SLC1A6: variants seen among roughly 807,000 people sequenced by gnomAD.
SLC1A6 encodes excitatory amino acid transporter 4.
SLC1A6 carries 15 observed loss-of-function variants against 42.1 expected under a neutral mutation model. The observed-to-expected ratio is 0.36, with a 90% CI of 0.24 to 0.55. SLC1A6 has a LOEUF of 0.55. Ranked by LOEUF, SLC1A6 falls within the 20% of genes least tolerant of loss-of-function variation. The probability of loss-of-function intolerance (pLI) is 0.88; values close to 1 mark genes in which losing one functional copy is unlikely to be tolerated. For missense variants in SLC1A6, 542 were observed against 772.5 expected (o/e 0.70, Z 3.54); for synonymous variants, 317 against 319.7 (o/e 0.99, Z 0.09).
intron 1 of SLC1A6, among the ~76,000 whole-genome samples, chr19:14,990,568 G>A (rs977743488): frequency 2.6e-5 from 4 of 152,056 alleles, no homozygotes; most frequent in African/African-American, 7.2e-5. Flanking sequence ...TCAGGAGTTC[G>A]AGACCAGCCT....
At chr19:14,967,304 T>C (rs1056927819) in intron 4 of SLC1A6, among the ~76,000 whole-genome samples, 2 of 152,166 alleles carry the variant, frequency 1.3e-5, no homozygotes, top group Admixed American at 6.5e-5. Context: ...TATGAGTTGT[T>C]GCAAGTAGAG....
intron 1 of SLC1A6, among the ~76,000 whole-genome samples, chr19:15,007,851 C>A (rs1451888550): frequency 6.6e-6 from 1 of 152,038 alleles, no homozygotes; most frequent in Non-Finnish European, 1.5e-5. Context: ...ATGGTGAAAC[C>A]CCATTTCTAC....
chr19:14,977,037 GAAAAAAAA>G, intron 1 of SLC1A6: 1 of 138,010 alleles, frequency 7.2e-6, no homozygotes, highest in Non-Finnish European at 1.5e-5. Context: ...TCCTTGCTGT[GAAAAAAAA>G]AAAAAAAAAA....
At chr19:15,005,653 T>C (rs992125750) in intron 1 of SLC1A6, among the ~76,000 whole-genome samples, 2 of 152,092 alleles carry the variant, frequency 1.3e-5, no homozygotes, top group African/African-American at 4.8e-5. Context: ...GAAACTGGGA[T>C]TGGGAGATGG....
At chr19:14,957,131 A>C (rs1407456291) in intron 6 of SLC1A6, among the ~76,000 whole-genome samples, 2 of 152,046 alleles carry the variant, frequency 1.3e-5, no homozygotes, top group Non-Finnish European at 2.9e-5. Flanking sequence ...TTTGTTCCAC[A>C]TTTGAAATGT....
Position 14,979,050 on chromosome 19 carries a change from T to TCTCTCTCTCTCACACATACACACACACA in SLC1A6, c.-8+258_-8+259insTGTGTGTGTGTATGTGTGAGAGAGAGAG, listed in dbSNP as rs993487319. ...CAAATTCAGTCTCTCTCTCTCTCTG[T>TCTCTCTCTCTCACACATACACACACACA]CACACACACACACACACACACACAC... On this transcript the variant is annotated intron_variant, in intron 1 of 9. Coordinates refer to ENST00000594383, the MANE Select transcript of SLC1A6 (RefSeq NM_005071.3). This position sits in a 1 kb window ranked among gnomAD's most constrained non-coding sequence, Gnocchi z 4.2. 2.5e-4 allele frequency among the ~76,000 whole-genome samples: 33 copies of TCTCTCTCTCTCACACATACACACACACA among 131,404 alleles called. No homozygotes were observed. The highest frequency in any genetic ancestry group is 9.1e-4 in the African/African-American group (32 of 35,230). The allele number at this position is 131,404 out of a possible 152,430, so 86.2% of individuals were successfully genotyped here. A position where few individuals can be genotyped will look rare whatever the true frequency, so the allele number is the denominator to read the frequency against.
chr19:14,956,357 ATTG>A, intron 7 of SLC1A6, 116 bp downstream of exon 7: 2 of 623,230 alleles, frequency 3.2e-6, no homozygotes, highest in Admixed American at 6.4e-5. Context: ...AGCCCTGGAC[ATTG>A]TTGGACGACT....
chr19:15,008,126 T>C (rs2045905535), intron 1 of SLC1A6, among the ~76,000 whole-genome samples: 1 of 151,500 alleles, frequency 6.6e-6, no homozygotes, highest in South Asian at 2.1e-4. Context: ...GGAGGACTGC[T>C]TGAGCCCAGG....
chr19:14,954,345 C>T lies in SLC1A6; in HGVS notation c.1170-16G>A, dbSNP rs765001633. On this transcript the variant is annotated splice_polypyrimidine_tract_variant and intron_variant, in intron 7 of 9. Coordinates refer to ENST00000594383, the MANE Select transcript of SLC1A6 (RefSeq NM_005071.3). ...CGTTGCCGAGCTGGGGGAAAGAGCCCAGGACTGAGGATGGGGCGTGGCCTG... is the reference window on the plus strand; with the variant it reads ...CGTTGCCGAGCTGGGGGAAAGAGCCTAGGACTGAGGATGGGGCGTGGCCTG... 5 of 1,602,804 alleles carry T rather than the reference C, an allele frequency of 3.1e-6. No individual in the cohort carries two copies. Among genetic ancestry groups the T allele is most frequent in the Non-Finnish European group, 4.2e-6 (5 of 1,179,492 alleles).
chr19:14,989,099 C>T (rs1215608066), intron 1 of SLC1A6, among the ~76,000 whole-genome samples: 1 of 152,090 alleles, frequency 6.6e-6, no homozygotes, highest in African/African-American at 2.4e-5. Context: ...GTTTTACAGA[C>T]ACCGGCAACT....
chr19:14,988,450 C>A (rs1286720660), intron 1 of SLC1A6, among the ~76,000 whole-genome samples: 4 of 152,114 alleles, frequency 2.6e-5, no homozygotes, highest in African/African-American at 9.7e-5. Context: ...AAACAAATAA[C>A]CCAATTAGAA....
Position 14,971,789 on chromosome 19 carries a change from C to T in SLC1A6, c.291G>A (p.Met97Ile), listed in dbSNP as rs147691271. 1 of 1,614,070 alleles carries T rather than the reference C, an allele frequency of 6.2e-7. No homozygotes were observed. ...GTAACACCAGCATCTGCAGCATCCTCATCAGAAGCTCTCCAGGAAAAGAGA... is the reference window on the plus strand; with the variant it reads ...GTAACACCAGCATCTGCAGCATCCTTATCAGAAGCTCTCCAGGAAAAGAGA... ...KYFSFPGELLMRMLQMLVLPL... is the reference protein window; with the variant it reads ...KYFSFPGELLIRMLQMLVLPL... Residue 97 changes from methionine to isoleucine, a missense_variant, in exon 3 of 10, where the codon ATG (methionine) becomes ATA (isoleucine). Met to Ile is a conservative substitution (Grantham distance 10). This residue lies in a region of SLC1A6 where 4 missense variants were observed against 25.0 expected (regional missense o/e 0.16). Transcript: ENST00000594383.
chr19:15,000,090 G>C (rs1284527848), intron 1 of SLC1A6, among the ~76,000 whole-genome samples: 3 of 147,516 alleles, frequency 2.0e-5, no homozygotes, highest in Non-Finnish European at 4.5e-5. Flanking sequence ...TGTGTTAGAT[G>C]ATTTTGCTCA....
At chr19:14,980,247 G>A (rs990390382), upstream of SLC1A6, 1 of 152,314 alleles carries the variant, frequency 6.6e-6, no homozygotes, top group Non-Finnish European at 1.5e-5. Flanking sequence ...GAAAATTAAA[G>A]CTGAGAAAAT....
intron 1 of SLC1A6, among the ~76,000 whole-genome samples, chr19:14,995,214 A>G (rs1397231273): frequency 2.0e-5 from 3 of 150,056 alleles, no homozygotes; most frequent in Non-Finnish European, 4.4e-5. Flanking sequence ...AATCCCAGCT[A>G]CTTGGGAGGC....
rs1430788426 is a variant in SLC1A6, at chr19:14,995,334, AAAAAAAAAAAG to A, written c.6+15140_6+15150del. On this transcript the variant is annotated intron_variant, in intron 1 of 8. Coordinates refer to the SLC1A6 transcript ENST00000430939. ...GAGTGAAACTCCATCTCCAAAAAAAAAAAAAAAAAAGAAAGAAAGAAAGAAAGAAAGAAAAG... is the reference window on the plus strand; with the variant it reads ...GAGTGAAACTCCATCTCCAAAAAAAAAAAGAAAGAAAGAAAGAAAGAAAAG... Among the ~76,000 whole-genome samples, 7 of 93,030 alleles carry A rather than the reference AAAAAAAAAAAG, an allele frequency of 7.5e-5. No individual in the cohort carries two copies. The East Asian group carries it at 1.0e-3, about 14-fold the overall frequency. The allele number at this position is 93,030 out of a possible 152,430, so 61.0% of individuals were successfully genotyped here.
intron 5 of SLC1A6, among the ~76,000 whole-genome samples, chr19:14,962,746 T>C (rs2145181779): frequency 6.6e-6 from 1 of 152,066 alleles, no homozygotes; most frequent in East Asian, 1.9e-4. Context: ...CTACTAAAAA[T>C]ACAAAAATTA....
chr19:14,969,721 C>T (rs1377300829), intron 3 of SLC1A6, among the ~76,000 whole-genome samples: 1 of 152,214 alleles, frequency 6.6e-6, no homozygotes, highest in Non-Finnish European at 1.5e-5. Flanking sequence ...TTTTCTTCTT[C>T]CCCATCCCCA....
intron 1 of SLC1A6, chr19:14,977,773 C>T (rs1338410021): frequency 6.6e-6 from 1 of 152,114 alleles, no homozygotes; most frequent in Non-Finnish European, 1.5e-5. Context: ...AGCGTAAAAC[C>T]CTGTCTAAAA....
Sources: allele counts gnomAD v4.1 joint callset (sites outside exome capture counted in the v4.1 genomes callset), GRCh38; gene constraint gnomAD v4.1.1; regional missense constraint gnomAD v4.1.1; non-coding constraint Gnocchi (gnomAD v3.1); transcripts MANE v1.5; gene names NCBI Gene and HGNC (gene_info 2026-07-23, HGNC 2026-07-21).